Variants in SCHIP1 observed in about 807,000 individuals in gnomAD.
SCHIP1 encodes schwannomin-interacting protein 1.
A neutral mutation model predicts 29.7 loss-of-function variants in SCHIP1; 8 were observed. The observed-to-expected ratio is 0.27, with a 90% confidence interval of 0.16 to 0.49. SCHIP1 has a LOEUF of 0.49. Among genes scored for constraint, SCHIP1 ranks in the 20% least tolerant of loss-of-function variants. The pLI is 0.99. For synonymous variants in SCHIP1, 76 were observed against 94.9 expected, an observed-to-expected ratio of 0.80 and a Z score of 1.16; for missense variants, 193 against 294.6, an observed-to-expected ratio of 0.66 and a Z score of 2.52.
At chr3:159,274,236 T>C in the SCHIP1 span, 2 of 985,292 alleles carry the variant, frequency 2.0e-6, no homozygotes, top group Admixed American at 6.1e-5. Flanking sequence ...GCCCTTTGTA[T>C]GCACAAGACT....
the SCHIP1 span, among the ~76,000 whole-genome samples, chr3:159,456,529 A>G: frequency 6.6e-6 from 1 of 152,210 alleles, no homozygotes; most frequent in Non-Finnish European, 1.5e-5. Flanking sequence ...TGAAAGTTAG[A>G]GATCTTTTCT....
At chr3:159,339,197 G>A in the SCHIP1 span, among the ~76,000 whole-genome samples, 1 of 151,228 alleles carries the variant, frequency 6.6e-6, no homozygotes, top group Non-Finnish European at 1.5e-5. Flanking sequence ...AACTACAAAG[G>A]CCTTTGACAT....
the SCHIP1 span, among the ~76,000 whole-genome samples, chr3:159,769,233 G>C: frequency 5.1e-5 from 6 of 117,018 alleles, no homozygotes; most frequent in African/African-American, 1.6e-4. Context: ...CATCACTGTA[G>C]CCCTCTTGCT....
At chr3:159,598,081 G>A in the SCHIP1 span, among the ~76,000 whole-genome samples, 2 of 152,120 alleles carry the variant, frequency 1.3e-5, no homozygotes, top group African/African-American at 4.8e-5. Context: ...CTGACCCCAT[G>A]ATCCAATCAC....
the SCHIP1 span, among the ~76,000 whole-genome samples, chr3:159,795,801 G>A: frequency 6.6e-6 from 1 of 152,186 alleles, no homozygotes; most frequent in East Asian, 1.9e-4. Flanking sequence ...AGGAAGAGCA[G>A]TTTGCTCTGG....
At chr3:159,764,505 C>A in the SCHIP1 span, 1 of 1,586,874 alleles carries the variant, frequency 6.3e-7, no homozygotes, top group Admixed American at 1.8e-5. The surrounding 1 kb of genome is among the most constrained non-coding windows in gnomAD (Gnocchi z 6.1). Flanking sequence ...GCAGCAGCCG[C>A]GCCAGTTCAC....
chr3:159,756,074 G>C, the SCHIP1 span, among the ~76,000 whole-genome samples: 2 of 152,200 alleles, frequency 1.3e-5, no homozygotes, highest in Non-Finnish European at 2.9e-5. Context: ...TACCATTCTG[G>C]GGTCTGGAAG....
At chr3:159,621,855 G>A in the SCHIP1 span, among the ~76,000 whole-genome samples, 16 of 152,136 alleles carry the variant, frequency 1.1e-4, no homozygotes, top group South Asian at 6.2e-4. Context: ...TAGTAGAGAC[G>A]GGGTTTCACC....
the SCHIP1 span, among the ~76,000 whole-genome samples, chr3:159,792,004 G>T: frequency 1.3e-5 from 2 of 152,256 alleles, no homozygotes; most frequent in East Asian, 1.9e-4. Flanking sequence ...TTTGGGGTAT[G>T]AACGTGTGTG....
chr3:159,509,350 A>C, the SCHIP1 span, among the ~76,000 whole-genome samples: 1,229 of 151,970 alleles, frequency 8.1e-3, 15 homozygotes, highest in African/African-American at 0.028. Flanking sequence ...TTATTTTGAG[A>C]CTATGTGTGT....
At chr3:159,599,350 C>T in the SCHIP1 span, among the ~76,000 whole-genome samples, 2 of 152,016 alleles carry the variant, frequency 1.3e-5, no homozygotes, top group Admixed American at 1.3e-4. Flanking sequence ...TTTTGGTGCA[C>T]CCATCATTCA....
the SCHIP1 span, among the ~76,000 whole-genome samples, chr3:159,483,424 C>T: frequency 6.6e-6 from 1 of 152,286 alleles, no homozygotes; most frequent in Non-Finnish European, 1.5e-5. Context: ...ACCCTGCAGG[C>T]ATTCACAGTT....
In SCHIP1 at chr3:159,890,116, G is replaced by T. The variant is rs567549609; in HGVS notation, c.589+1173G>T. 1.5e-3 allele frequency among the ~76,000 whole-genome samples: 231 copies of T among 151,444 alleles called. 3 individuals carry two copies. The highest frequency in any genetic ancestry group is 5.4e-3 in the African/African-American group (224 of 41,368). On this transcript the variant is annotated intron_variant, in intron 5 of 6. Coordinates refer to ENST00000445224, the Ensembl canonical transcript of SCHIP1. ...TCTCAAAAAAAAAAAAAGAAAGAAA[G>T]AAAAGAAAAGCCTCTGTCTTTTAGA...
the SCHIP1 span, among the ~76,000 whole-genome samples, chr3:159,717,081 A>G: frequency 6.6e-6 from 1 of 152,168 alleles, no homozygotes; most frequent in Non-Finnish European, 1.5e-5. Context: ...GGATTAAGAA[A>G]CTCACTCAAA....
chr3:159,320,959 A>G, the SCHIP1 span, among the ~76,000 whole-genome samples: 8 of 151,816 alleles, frequency 5.3e-5, no homozygotes, highest in East Asian at 7.7e-4. Flanking sequence ...CTTGGTGGTT[A>G]GTTTTATTTA....
the SCHIP1 span, among the ~76,000 whole-genome samples, chr3:159,405,619 C>A: frequency 3.9e-5 from 6 of 152,172 alleles, no homozygotes; most frequent in South Asian, 1.2e-3. Context: ...TGGCACACAC[C>A]TGTAATCCCA....
chr3:159,306,487 C>T, the SCHIP1 span: 3 of 227,832 alleles, frequency 1.3e-5, no homozygotes, highest in African/African-American at 4.7e-5. Context: ...CATTTTTATC[C>T]ATTTCACAGA....
the SCHIP1 span, among the ~76,000 whole-genome samples, chr3:159,696,130 T>C: frequency 1.3e-5 from 2 of 152,286 alleles, no homozygotes; most frequent in African/African-American, 4.8e-5. Context: ...CTGAATCCCC[T>C]TAGCTTTCAG....
At chr3:159,488,204 C>T in the SCHIP1 span, among the ~76,000 whole-genome samples, 1 of 151,310 alleles carries the variant, frequency 6.6e-6, no homozygotes, top group East Asian at 1.9e-4. Context: ...AGTGGTGGGG[C>T]AGGAGTGGGG....
Sources: allele counts gnomAD v4.1 joint callset (sites outside exome capture counted in the v4.1 genomes callset), GRCh38; gene constraint gnomAD v4.1.1; non-coding constraint Gnocchi (gnomAD v3.1); transcripts MANE v1.5; gene names NCBI Gene and HGNC (gene_info 2026-07-23, HGNC 2026-07-21).